The following HTRA1 variants were observed in gnomAD, a reference collection of about 807,000 sequenced individuals.
HTRA1 encodes HtrA serine peptidase 1.
HTRA1 carries 26 observed loss-of-function variants against 49.7 expected under a neutral mutation model. The observed-to-expected ratio is 0.52, with a 90% CI of 0.38 to 0.73. The LOEUF is 0.73. Among genes scored for constraint, HTRA1 ranks in the 30% least tolerant of loss-of-function variants. The probability of loss-of-function intolerance (pLI) is 0.00; values close to 1 mark genes in which losing one functional copy is unlikely to be tolerated. For missense variants in HTRA1, 561 were observed against 667.2 expected (o/e 0.84, Z 1.75); for synonymous variants, 291 against 286.9 (o/e 1.01, Z -0.14).
chr10:122,512,927 C>T (rs2097506287), intron 8 of HTRA1, among the ~76,000 whole-genome samples: 1 of 152,064 alleles, frequency 6.6e-6, no homozygotes, highest in African/African-American at 2.4e-5. Context: ...AGCTTAGTTC[C>T]CACTTATGAG....
rs75046918 is a variant in HTRA1, at chr10:122,502,596, G to A, written c.778-4095G>A. Among the ~76,000 whole-genome samples the A allele has an allele frequency of 9.3e-3, 1,415 of 152,302 alleles. 26 individuals are homozygous for A. The highest frequency in any genetic ancestry group is 0.032 in the African/African-American group (1,344 of 41,568). ...GAGAGACTTCTGGCTCTGTTAAGAG[G>A]ACACTATTTAGCATTGTGAGTCCCT... is the stretch of plus-strand genomic sequence containing the variant. On this transcript the variant is annotated intron_variant, in intron 3 of 8. Transcript: ENST00000368984.
chr10:122,463,253 C>T (rs2097482366), intron 1 of HTRA1, among the ~76,000 whole-genome samples: 1 of 152,204 alleles, frequency 6.6e-6, no homozygotes, highest in Non-Finnish European at 1.5e-5. Flanking sequence ...GTTTGGCTTA[C>T]GTGGACGGGA....
At chr10:122,498,714 A>G (rs1565428855) in intron 3 of HTRA1, among the ~76,000 whole-genome samples, 1 of 152,228 alleles carries the variant, frequency 6.6e-6, no homozygotes, top group African/African-American at 2.4e-5. Flanking sequence ...AGAAGCTGGA[A>G]CAGCCAGCTG....
At chr10:122,495,423 G>A (rs189376158) in intron 3 of HTRA1, among the ~76,000 whole-genome samples, 252 of 152,242 alleles carry the variant, frequency 1.7e-3, no homozygotes, top group African/African-American at 5.5e-3. Flanking sequence ...ATTTCATGAG[G>A]GAATGTGAAG....
intron 3 of HTRA1, among the ~76,000 whole-genome samples, chr10:122,496,330 T>C (rs1360224835): frequency 6.7e-6 from 1 of 149,032 alleles, no homozygotes; most frequent in Non-Finnish European, 1.5e-5. Flanking sequence ...CTCTGTGACA[T>C]TGGTAGAAAG....
intron 5 of HTRA1, 70 bp downstream of exon 5, chr10:122,507,472 T>C (rs1291180735): frequency 1.7e-6 from 2 of 1,154,158 alleles, no homozygotes; most frequent in Non-Finnish European, 2.6e-6. Flanking sequence ...TGTTTGTTTG[T>C]TTGTTGTTTG....
chr10:122,503,088 G>A (rs988154593), intron 3 of HTRA1, among the ~76,000 whole-genome samples: 1 of 152,248 alleles, frequency 6.6e-6, no homozygotes. Flanking sequence ...GGCCGGTGCC[G>A]CTTTAAAGGG....
chr10:122,466,633 C>T (rs1363972296), intron 1 of HTRA1, among the ~76,000 whole-genome samples: 2 of 152,216 alleles, frequency 1.3e-5, no homozygotes, highest in Admixed American at 1.3e-4. Context: ...AATACAATCA[C>T]TGCTTCCCTG....
At chr10:122,508,849 G>A (rs1272433200) in intron 6 of HTRA1, 79 bp downstream of exon 6, 2 of 873,352 alleles carry the variant, frequency 2.3e-6, no homozygotes. Context: ...TTGGGGAAGG[G>A]AAAAGCGGCA....
Position 122,498,826 on chromosome 10 carries a change from A to G in HTRA1, c.778-7865A>G, listed in dbSNP as rs187041050. Among the ~76,000 whole-genome samples, 49 of 152,306 alleles carry G rather than the reference A, an allele frequency of 3.2e-4. 1 individual carries two copies. In the East Asian group the frequency reaches 7.3e-3, roughly 23 times the overall value. On this transcript the variant is annotated intron_variant, in intron 3 of 8. Transcript: ENST00000368984. ...TTTTGTGAATAAAGCCCTATGAGCT[A>G]ATGGAGCATGCTCAGGGAACTTGGG...
intron 1 of HTRA1, among the ~76,000 whole-genome samples, chr10:122,466,542 T>C (rs531635250): frequency 6.6e-6 from 1 of 152,284 alleles, no homozygotes; most frequent in African/African-American, 2.4e-5. Flanking sequence ...GTGCTGACCC[T>C]GTACTGAGCT....
intron 5 of HTRA1, 128 bp from the exon 6 acceptor site, chr10:122,508,528 C>G (rs1200810319): frequency 1.0e-5 from 8 of 770,342 alleles, no homozygotes; most frequent in Non-Finnish European, 1.9e-5. Context: ...ACGGGGATCC[C>G]CTCCTTGCAT....
At chr10:122,471,101 G>A (rs2097485939) in intron 1 of HTRA1, among the ~76,000 whole-genome samples, 1 of 152,166 alleles carries the variant, frequency 6.6e-6, no homozygotes, top group Non-Finnish European at 1.5e-5. Context: ...TGCATCCTGT[G>A]TTCTTCTCAG....
rs937223177 is a variant in HTRA1, at chr10:122,506,062, G to A, written c.778-629G>A. 3.0e-5 allele frequency among the ~76,000 whole-genome samples: 2 copies of A among 65,772 alleles called. No homozygotes were observed. The allele number at this position is 65,772 out of a possible 152,430, so 43.1% of individuals were successfully genotyped here. On this transcript the variant is annotated intron_variant, in intron 3 of 8. Transcript: ENST00000368984. The surrounding 1 kb of genome is among the most constrained non-coding windows in gnomAD (Gnocchi z 5.2). ...AAGCACAGGTGGCTGACAGAGGGCC[G>A]TTTCAGGAGAGGAGAGACAGCCTAC... is the stretch of plus-strand genomic sequence containing the variant.
In HTRA1 at chr10:122,506,614, G is replaced by C; in HGVS notation, c.778-77G>C. 1 of 1,341,984 alleles carries C rather than the reference G, an allele frequency of 7.5e-7. No individual in the cohort carries two copies. 83.1% of individuals were successfully genotyped at this position (1,341,984 alleles called of 1,614,324 possible). On this transcript the variant is annotated intron_variant, in intron 3 of 8. Coordinates refer to ENST00000368984, the MANE Select transcript of HTRA1 (RefSeq NM_002775.5). This position sits in a 1 kb window ranked among gnomAD's most constrained non-coding sequence, Gnocchi z 5.2. The stretch of plus-strand genomic sequence containing the variant: ...AATAGCCCGTCACTGTCCCTGCTTG[G>C]TTTTCCATGATATCTGTGCCTTTAC...
intron 1 of HTRA1, among the ~76,000 whole-genome samples, chr10:122,479,333 G>C (rs1044272808): frequency 6.6e-6 from 1 of 152,180 alleles, no homozygotes; most frequent in Non-Finnish European, 1.5e-5. Flanking sequence ...GACAGATGGG[G>C]TTAGGCTCTT....
chr10:122,466,680 C>T (rs914299297), intron 1 of HTRA1, among the ~76,000 whole-genome samples: 1 of 152,276 alleles, frequency 6.6e-6, no homozygotes, highest in East Asian at 1.9e-4. Context: ...GGGCAGTTTG[C>T]TCGAGAGTCA....
rs1207577576 is a variant in HTRA1, at chr10:122,507,459, T to TTTTG, written c.1005+72_1005+75dup. Reference sequence around the variant, plus strand: ...TGTTTTTATCTATGTATACGCTGTTTTTTGTTTGTTTGTTTGTTGTTTGTT... The same window carrying TTTTG: ...TGTTTTTATCTATGTATACGCTGTTTTTTGTTTGTTTGTTTGTTTGTTGTTTGTT... On this transcript the variant is annotated intron_variant, in intron 5 of 8. Transcript: ENST00000368984. 305 of 1,301,252 alleles carry TTTTG rather than the reference T, an allele frequency of 2.3e-4. No homozygotes were observed. In the African/African-American group the frequency reaches 4.5e-3, roughly 19 times the overall value. 80.6% of individuals were successfully genotyped at this position (1,301,252 alleles called of 1,614,324 possible).
At chr10:122,498,063 A>G (rs1277145182) in intron 3 of HTRA1, among the ~76,000 whole-genome samples, 1 of 152,216 alleles carries the variant, frequency 6.6e-6, no homozygotes, top group Non-Finnish European at 1.5e-5. Context: ...ATATAGTGTA[A>G]AGGAGACTAA....
Sources: allele counts gnomAD v4.1 joint callset (sites outside exome capture counted in the v4.1 genomes callset), GRCh38; gene constraint gnomAD v4.1.1; non-coding constraint Gnocchi (gnomAD v3.1); transcripts MANE v1.5; gene names NCBI Gene and HGNC (gene_info 2026-07-23, HGNC 2026-07-21).